The following DOK6 variants were observed in gnomAD, a reference collection of about 807,000 sequenced individuals.
DOK6 encodes the protein downstream of tyrosine kinase 6.
DOK6 carries 22 observed loss-of-function variants against 44.0 expected under a neutral mutation model. The ratio of observed to expected loss-of-function variants is 0.50; its 90% CI spans 0.36 to 0.71. The LOEUF (loss-of-function observed/expected upper bound fraction) is 0.71. DOK6 is among the 30% of genes least tolerant of loss of function. The pLI, the probability that DOK6 is intolerant of heterozygous loss-of-function variation, is 0.00. For synonymous variants in DOK6, 166 were observed against 145.5 expected, an observed-to-expected ratio of 1.14 and a Z score of -1.01; for missense variants, 340 against 416.4, an observed-to-expected ratio of 0.82 and a Z score of 1.60.
intron 1 of DOK6, among the ~76,000 whole-genome samples, chr18:69,476,046 C>G (rs1980251737): frequency 6.6e-6 from 1 of 152,158 alleles, no homozygotes; most frequent in African/African-American, 2.4e-5. Context: ...CTTCCCACCC[C>G]TCTCACCTCC....
intron 1 of DOK6, among the ~76,000 whole-genome samples, chr18:69,446,167 AT>A (rs1173215095): frequency 6.7e-6 from 1 of 150,364 alleles, no homozygotes; most frequent in East Asian, 2.0e-4. Flanking sequence ...TTAACTTGTC[AT>A]TTACATTAGG....
chr18:69,404,121 G>A (rs1335150636), intron 1 of DOK6, among the ~76,000 whole-genome samples: 1 of 152,232 alleles, frequency 6.6e-6, no homozygotes. Context: ...GATTGCATCA[G>A]AGATAATTAT....
chr18:69,462,499 C>A (rs184218007), intron 1 of DOK6, among the ~76,000 whole-genome samples: 36 of 152,180 alleles, frequency 2.4e-4, no homozygotes, highest in African/African-American at 7.9e-4. Flanking sequence ...TACATTATTG[C>A]TTCTTTCAAT....
chr18:69,679,201 T>C (rs1985991854), intron 4 of DOK6, among the ~76,000 whole-genome samples: 1 of 152,004 alleles, frequency 6.6e-6, no homozygotes, highest in African/African-American at 2.4e-5. Context: ...AAAGCAATTC[T>C]TGAATTATCT....
intron 1 of DOK6, among the ~76,000 whole-genome samples, chr18:69,522,021 G>T (rs1430710556): frequency 6.6e-6 from 1 of 151,984 alleles, no homozygotes; most frequent in Non-Finnish European, 1.5e-5. Context: ...GCAAAATAGT[G>T]AAAATTTCCA....
chr18:69,670,853 A>G lies in DOK6; in HGVS notation c.290-6881A>G, dbSNP rs189921361. ...GGCATCTATTAAGAATTCTCCCCCA[A>G]TGCTGGCTTTCCATCACAGAAATGC... On this transcript the variant is annotated intron_variant, in intron 3 of 7. Transcript: ENST00000382713. 1.8e-3 allele frequency among the ~76,000 whole-genome samples: 270 copies of G among 152,140 alleles called. 1 individual carries two copies. The highest frequency in any genetic ancestry group is 6.8e-3 in the Middle Eastern group (2 of 294).
chr18:69,404,934 T>C (rs910673527), intron 1 of DOK6, among the ~76,000 whole-genome samples: 2 of 152,110 alleles, frequency 1.3e-5, no homozygotes, highest in Non-Finnish European at 2.9e-5. Context: ...GAATTAGTTA[T>C]AATAAAGAAC....
chr18:69,536,979 CATTATTATTATT>C (rs6146369), intron 1 of DOK6, among the ~76,000 whole-genome samples: 3 of 144,860 alleles, frequency 2.1e-5, no homozygotes, highest in African/African-American at 7.5e-5. Flanking sequence ...GAAGATTTAT[CATTATTATTATT>C]ATTATTATTA....
At chr18:69,458,798 A>G (rs11151505) in intron 1 of DOK6, among the ~76,000 whole-genome samples, 42,513 of 152,084 alleles carry the variant, frequency 0.28, 6,626 homozygotes, top group African/African-American at 0.4. Flanking sequence ...GCCAAAAAGA[A>G]AGTGAAATAC....
intron 7 of DOK6, among the ~76,000 whole-genome samples, chr18:69,823,120 C>T (rs1981625766): frequency 6.6e-6 from 1 of 152,214 alleles, no homozygotes. Context: ...TGAGCTGCTG[C>T]ATCCATTTTT....
At chr18:69,705,917 T>TC (rs1986622056) in intron 5 of DOK6, among the ~76,000 whole-genome samples, 1 of 76,262 alleles carries the variant, frequency 1.3e-5, no homozygotes, top group African/African-American at 3.7e-5. Flanking sequence ...ATAAATGTGA[T>TC]TAAAAAAAAA....
chr18:69,668,729 A>G (rs1473363967), intron 3 of DOK6, among the ~76,000 whole-genome samples: 1 of 152,162 alleles, frequency 6.6e-6, no homozygotes, highest in Non-Finnish European at 1.5e-5. Context: ...GCTGGATTTG[A>G]TCATTCCGCA....
chr18:69,683,713 G>C (rs1221648304), intron 4 of DOK6, among the ~76,000 whole-genome samples: 1 of 152,208 alleles, frequency 6.6e-6, no homozygotes, highest in Non-Finnish European at 1.5e-5. Flanking sequence ...CTAGCCTCCA[G>C]AACTATGAGA....
chr18:69,698,404 A>G lies in DOK6; in HGVS notation c.410A>G (p.Glu137Gly). 6.2e-7 allele frequency: 1 copy of G among 1,609,244 alleles called. No homozygotes were observed. The highest frequency in any genetic ancestry group is 1.1e-5 in the South Asian group (1 of 90,248). Residue 137 changes from glutamate to glycine, a missense_variant and splice_region_variant, in exon 5 of 8, where the codon GAG (glutamate) becomes GGG (glycine). Transcript: ENST00000382713. ...TTCTCCATTCTTCGTCTCTTCACAGAGAGATTCAACGTGTATCTTATGCCT... is the reference window on the plus strand; with the variant it reads ...TTCTCCATTCTTCGTCTCTTCACAGGGAGATTCAACGTGTATCTTATGCCT... The part of the protein sequence containing the change: ...LAAGVQREQN[E>G]RFNVYLMPTP...
At chr18:69,736,146 T>C (rs377258911) in intron 5 of DOK6, among the ~76,000 whole-genome samples, 2 of 152,176 alleles carry the variant, frequency 1.3e-5, no homozygotes, top group Non-Finnish European at 2.9e-5. Context: ...AGGCCATATA[T>C]ATTTTTCCCT....
intron 7 of DOK6, among the ~76,000 whole-genome samples, chr18:69,840,195 G>C (rs527837053): frequency 6.6e-6 from 1 of 152,356 alleles, no homozygotes; most frequent in East Asian, 1.9e-4. Context: ...GGTGCTCGGC[G>C]TTAACAGATT....
chr18:69,814,508 A>T (rs1293527425), intron 7 of DOK6, among the ~76,000 whole-genome samples: 2 of 152,134 alleles, frequency 1.3e-5, no homozygotes, highest in African/African-American at 4.8e-5. Context: ...AGTCGGGTTC[A>T]TGCTTATATT....
At chr18:69,658,205 G>GT in intron 3 of DOK6, among the ~76,000 whole-genome samples, 1 of 152,048 alleles carries the variant, frequency 6.6e-6, no homozygotes, top group Non-Finnish European at 1.5e-5. Flanking sequence ...TCCCACCCCT[G>GT]ACTCTCAGAG....
chr18:69,535,096 C>T (rs1982085410), intron 1 of DOK6, among the ~76,000 whole-genome samples: 1 of 152,014 alleles, frequency 6.6e-6, no homozygotes, highest in South Asian at 2.1e-4. Context: ...TGTAAAGTTG[C>T]ACAAGAGATC....
Sources: allele counts gnomAD v4.1 joint callset (sites outside exome capture counted in the v4.1 genomes callset), GRCh38; gene constraint gnomAD v4.1.1; transcripts MANE v1.5; gene names NCBI Gene and HGNC (gene_info 2026-07-23, HGNC 2026-07-21).